Variants in FUOM observed in about 807,000 individuals in gnomAD.
FUOM encodes the protein protein fucU homolog.
A neutral mutation model predicts 18.3 loss-of-function variants in FUOM; 19 were observed. The observed-to-expected ratio is 1.04, with a 90% CI of 0.73 to 1.53. FUOM has a LOEUF of 1.53. Ranked by LOEUF, FUOM falls within the 40% of genes most tolerant of loss-of-function variation. The probability of loss-of-function intolerance (pLI) is 0.00; values close to 1 mark genes in which losing one functional copy is unlikely to be tolerated. For synonymous variants in FUOM, 102 were observed against 87.9 expected (o/e 1.16, Z -0.90); for missense variants, 210 against 200.9 (o/e 1.04, Z -0.27).
intron 1 of FUOM, 187 bp from the exon 2 acceptor site, chr10:133,357,442 T>C (rs1257303924): frequency 9.2e-6 from 6 of 650,392 alleles, no homozygotes; most frequent in Non-Finnish European, 1.7e-5. Context: ...CGCGGGGAGG[T>C]GGGGAGGGCA....
intron 5 of FUOM, 147 bp downstream of exon 5, chr10:133,355,591 G>T: frequency 6.3e-7 from 1 of 1,591,590 alleles, no homozygotes; most frequent in Non-Finnish European, 8.6e-7. Flanking sequence ...TTCCTCCCTG[G>T]TCTCTCCACT....
intron 1 of FUOM, 140 bp downstream of exon 1, chr10:133,357,783 T>G (rs1260225726): frequency 1.3e-5 from 8 of 601,542 alleles, no homozygotes; most frequent in Non-Finnish European, 2.2e-5. Flanking sequence ...GGGAGGGGGC[T>G]TCCTGCCCGG....
At chr10:133,356,015 G>C (rs879097338) in intron 4 of FUOM, among the ~76,000 whole-genome samples, 2 of 152,202 alleles carry the variant, frequency 1.3e-5, no homozygotes, top group Admixed American at 6.5e-5. Context: ...TGGTGGACGA[G>C]GAACCTGCCA....
chr10:133,355,658 C>G (rs1459834929), intron 5 of FUOM, 80 bp downstream of exon 5: 1 of 1,556,588 alleles, frequency 6.4e-7, no homozygotes, highest in Non-Finnish European at 8.9e-7. Flanking sequence ...GGGGCAGCTC[C>G]TGAGGCCCCC....
Position 133,355,349 on chromosome 10 carries a change from C to A in FUOM, c.*21G>T. ...AGGGTGCCCCCAGTTCCTCTTCCGG[C>A]CCAGGTGGTCTTCACCAGGCCTACA... is the stretch of plus-strand genomic sequence containing the variant. On this transcript the variant is annotated 3_prime_UTR_variant, in exon 6 of 6. Transcript: ENST00000278025. 6.3e-7 allele frequency: 1 copy of A among 1,587,122 alleles called. No homozygotes were observed. The highest frequency in any genetic ancestry group is 1.7e-5 in the Admixed American group (1 of 57,144).
Position 133,355,299 on chromosome 10 carries a change from G to C in FUOM, c.*71C>G. The C allele has an allele frequency of 6.6e-7, 1 of 1,510,286 alleles. No individual in the cohort carries two copies. Among genetic ancestry groups the C allele is most frequent in the Non-Finnish European group, 8.9e-7 (1 of 1,129,434 alleles). The allele number at this position is 1,510,286 out of a possible 1,614,324, so 93.6% of individuals were successfully genotyped here. A position where few individuals can be genotyped will look rare whatever the true frequency, so the allele number is the denominator to read the frequency against. On this transcript the variant is annotated 3_prime_UTR_variant, in exon 6 of 6. Transcript: ENST00000278025. ...TCTGGGAGCTGCCACTGGGAGGCCT[G>C]TTGTGAGTGGTGGTACTGGAGCTCA...
intron 5 of FUOM, 38 bp from the exon 6 acceptor site, chr10:133,355,474 A>G: frequency 6.2e-7 from 1 of 1,607,896 alleles, no homozygotes. Context: ...GCTGGGCTGC[A>G]GGGCCAGGGT....
intron 3 of FUOM, 95 bp downstream of exon 3, chr10:133,356,847 CT>C: frequency 2.8e-6 from 4 of 1,452,026 alleles, no homozygotes; most frequent in Non-Finnish European, 2.8e-6. Flanking sequence ...GGACACATGG[CT>C]TCCCCCCACT....
At chr10:133,354,093 ACC>A (rs1377935356), downstream of FUOM, among the ~76,000 whole-genome samples, 1 of 151,288 alleles carries the variant, frequency 6.6e-6, no homozygotes, top group Non-Finnish European at 1.5e-5. Context: ...GGGCACACTA[ACC>A]CCAGAGGCTC....
rs763615629 is a variant in FUOM at position 133,355,746 on chromosome 10, C to A, written c.390G>T (p.Val130=). The A allele has an allele frequency of 6.2e-7, 1 of 1,613,342 alleles. No homozygotes were observed. Among genetic ancestry groups the A allele is most frequent in the Non-Finnish European group, 8.5e-7 (1 of 1,179,992 alleles). The change falls in exon 5 of 6, where the codon GTG becomes GTT. Residue 130 remains valine (V), a synonymous_variant. Transcript: ENST00000278025. ...AGCCAGCTGGAACTCACCCCGTTGCCACAACAGCAAAAGCCTTCTTAGCCC... is the reference window on the plus strand; with the variant it reads ...AGCCAGCTGGAACTCACCCCGTTGCAACAACAGCAAAAGCCTTCTTAGCCC... ...YERAKKAFAV[V]ATGETALYGN... is the part of the protein sequence containing the mutation.
downstream of FUOM, among the ~76,000 whole-genome samples, chr10:133,353,391 G>A (rs539080350): frequency 1.4e-4 from 22 of 152,284 alleles, no homozygotes; most frequent in South Asian, 4.1e-4. Flanking sequence ...AAATGTGGGC[G>A]GGGTTCCTGC....
intron 2 of FUOM, 72 bp downstream of exon 2, chr10:133,357,115 A>G (rs1848830343): frequency 6.5e-7 from 1 of 1,541,090 alleles, no homozygotes. Context: ...ACGGCAGGCC[A>G]CAGAGGAGCC....
At chr10:133,357,860 T>G in intron 1 of FUOM, 63 bp downstream of exon 1, 1 of 1,398,198 alleles carries the variant, frequency 7.2e-7, no homozygotes, top group South Asian at 1.3e-5. Context: ...GGGGTCCCCG[T>G]GCAAGCCTCG....
chr10:133,357,882 G>T, intron 1 of FUOM, 41 bp downstream of exon 1: 2 of 1,487,250 alleles, frequency 1.3e-6, no homozygotes, highest in South Asian at 1.2e-5. Flanking sequence ...CCTCCTGCCT[G>T]TCCCGGGGTG....
At position 133,355,747 on chromosome 10, in the gene FUOM, A is replaced by G. The variant is rs761739265; in HGVS notation, c.389T>C (p.Val130Ala). The G allele has an allele frequency of 1.9e-6, 3 of 1,613,304 alleles. No homozygotes were observed. Among genetic ancestry groups the G allele is most frequent in the South Asian group, 2.2e-5 (2 of 91,086 alleles). ...YERAKKAFAVVATGETALYGN... is the reference protein window; with the variant it reads ...YERAKKAFAVAATGETALYGN... ...GCCAGCTGGAACTCACCCCGTTGCC[A>G]CAACAGCAAAAGCCTTCTTAGCCCG... The change falls in exon 5 of 6, where the codon GTG becomes GCG. Residue 130 changes from valine to alanine, a missense_variant. Physicochemically the swap from Val to Ala is moderately conservative, Grantham distance 64. Coordinates refer to ENST00000278025, the MANE Select transcript of FUOM (RefSeq NM_001098483.3).
In FUOM at chr10:133,356,757, T is replaced by TCTAGG. The variant is rs1848814436; in HGVS notation, c.226-20_226-19insCCTAG. ...CTGCAGCCTAGAGGGAGGGGTCAGC[T>TCTAGG]CTGGGGCCCTGGGCACTGCCAGCCT... On this transcript the variant is annotated intron_variant, in intron 3 of 5. Coordinates refer to ENST00000278025, the MANE Select transcript of FUOM (RefSeq NM_001098483.3). The TCTAGG allele has an allele frequency of 1.9e-6, 3 of 1,543,062 alleles. No homozygotes were observed. Among genetic ancestry groups the TCTAGG allele is most frequent in the Non-Finnish European group, 2.6e-6 (3 of 1,141,194 alleles).
At chr10:133,354,861 C>T (rs1300696638), downstream of FUOM, among the ~76,000 whole-genome samples, 1 of 152,216 alleles carries the variant, frequency 6.6e-6, no homozygotes, top group African/African-American at 2.4e-5. Flanking sequence ...CCAGGCCAGC[C>T]CCTGCCACCT....
downstream of FUOM, among the ~76,000 whole-genome samples, chr10:133,353,696 C>A (rs1161887192): frequency 6.6e-6 from 1 of 152,176 alleles, no homozygotes; most frequent in Non-Finnish European, 1.5e-5. Context: ...GAGCTGTTAC[C>A]CTGGCTTATG....
Position 133,357,986 on chromosome 10 carries a change from G to A in FUOM, c.22C>T (p.Pro8Ser). 6.6e-7 allele frequency: 1 copy of A among 1,515,578 alleles called. No individual in the cohort carries two copies. The highest frequency in any genetic ancestry group is 8.8e-7 in the Non-Finnish European group (1 of 1,136,422). 93.9% of individuals were successfully genotyped at this position (1,515,578 alleles called of 1,614,324 possible). A position where few individuals can be genotyped will look rare whatever the true frequency, so the allele number is the denominator to read the frequency against. ...AGCAGCTCGGGGGACAGCAGTGCGGGGACACCCTTCAGCGCCACCATGGCC... is the reference window on the plus strand; with the variant it reads ...AGCAGCTCGGGGGACAGCAGTGCGGAGACACCCTTCAGCGCCACCATGGCC... MVALKGVPALLSPELLYA... is the reference protein window; with the variant it reads MVALKGVSALLSPELLYA... The change falls in exon 1 of 6, where the codon CCC becomes TCC. Residue 8 changes from proline (P) to serine (S), a missense_variant. By Grantham distance (74) the Pro-to-Ser change is moderately conservative. Coordinates refer to ENST00000278025, the MANE Select transcript of FUOM (RefSeq NM_001098483.3).
Sources: gnomAD v4.1 joint callset for allele counts (sites outside exome capture counted in the v4.1 genomes callset) on GRCh38, gnomAD v4.1.1 for gene constraint, MANE v1.5 for transcripts, NCBI Gene and HGNC (gene_info 2026-07-23, HGNC 2026-07-21) for gene names.